Variants in GTF2IRD2 observed in about 807,000 individuals in gnomAD.
GTF2IRD2 encodes the protein GTF2I repeat domain containing 2.
GTF2IRD2 carries 8 observed loss-of-function variants against 49.2 expected under a neutral mutation model. The ratio of observed to expected loss-of-function variants is 0.16; its 90% CI spans 0.10 to 0.29. The LOEUF (loss-of-function observed/expected upper bound fraction) is 0.29. Among genes scored for constraint, GTF2IRD2 ranks in the 10% least tolerant of loss-of-function variants. GTF2IRD2 has a pLI of 1.00. For missense variants in GTF2IRD2, 130 were observed against 725.7 expected (o/e 0.18, Z 9.43); for synonymous variants, 47 against 289.7 (o/e 0.16, Z 8.51).
In GTF2IRD2 at chr7:74,822,790, T is replaced by C. The variant is rs782746704; in HGVS notation, c.376A>G (p.Thr126Ala). 9 of 1,537,480 alleles carry C rather than the reference T, an allele frequency of 5.9e-6. 2 individuals are homozygous for C. Among genetic ancestry groups the C allele is most frequent in the Non-Finnish European group, 7.9e-6 (9 of 1,140,994 alleles). The part of the protein sequence containing the change: ...CFCYGKALGT[T>A]VMVPVPYEKM... ...TCATAGGGAACAGGCACCATCACTG[T>C]TGTCCCTAAGGCTTTACCTACAAGA... The change falls in exon 5 of 16, where the codon ACA (threonine) becomes GCA (alanine). Residue 126 changes from threonine to alanine, a missense_variant. By Grantham distance (58) the Thr-to-Ala change is moderately conservative. Coordinates refer to ENST00000451013, the MANE Select transcript of GTF2IRD2 (RefSeq NM_173537.5).
Position 74,818,458 on chromosome 7 carries a change from C to CTT in GTF2IRD2, c.670+1094_670+1095dup, listed in dbSNP as rs782068970. ...ATTAGAAGGCTCCCTCTCTCTCTCT[C>CTT]TTTTTTTTTTTTTTTTTTTGAGACA... On this transcript the variant is annotated intron_variant, in intron 8 of 15. Coordinates refer to ENST00000451013, the MANE Select transcript of GTF2IRD2 (RefSeq NM_173537.5). 4.9e-4 allele frequency among the ~76,000 whole-genome samples: 63 copies of CTT among 129,472 alleles called. 3 individuals carry two copies. The highest frequency in any genetic ancestry group is 3.2e-3 in the Admixed American group (39 of 12,238). 84.9% of individuals were successfully genotyped at this position (129,472 alleles called of 152,430 possible).
At chr7:74,798,531 C>T (rs1389959586) in intron 15 of GTF2IRD2, among the ~76,000 whole-genome samples, 3 of 151,506 alleles carry the variant, frequency 2.0e-5, no homozygotes, top group Non-Finnish European at 4.4e-5. Flanking sequence ...GTTGTTGAGA[C>T]GGAGTTTTGC....
At chr7:74,841,552 C>A (rs1411329516) in intron 1 of GTF2IRD2, among the ~76,000 whole-genome samples, 1 of 137,620 alleles carries the variant, frequency 7.3e-6, no homozygotes, top group East Asian at 2.0e-4. Context: ...CCTGCAGCCT[C>A]CAACTCCTGG....
rs782711179 is a variant in GTF2IRD2, at chr7:74,797,733, G to C, written c.1779C>G (p.Asn593Lys). Residue 593 changes from asparagine to lysine, a missense_variant, in exon 16 of 16, where the codon AAC becomes AAG. Coordinates refer to ENST00000451013, the MANE Select transcript of GTF2IRD2 (RefSeq NM_173537.5). Reference sequence around the variant, plus strand: ...TTTTCTCAACACGCGAAAAGATCTCGTTGCCAGATTTTGTACCCGTCATGG... The same window carrying C: ...TTTTCTCAACACGCGAAAAGATCTCCTTGCCAGATTTTGTACCCGTCATGG... ...TVPMTGTKSG[N>K]EIFSRVEKSL... 6.2e-6 allele frequency: 10 copies of C among 1,602,264 alleles called. No homozygotes were observed. The highest frequency in any genetic ancestry group is 8.5e-6 in the Non-Finnish European group (10 of 1,175,606).
chr7:74,831,200 ATC>A (rs1177649282), intron 3 of GTF2IRD2, among the ~76,000 whole-genome samples: 177 of 143,596 alleles, frequency 1.2e-3, no homozygotes, highest in African/African-American at 2.9e-3. Context: ...CCCCTCTCTC[ATC>A]TCTCTCTCTC....
At chr7:74,798,768 C>T (rs1420467107) in intron 15 of GTF2IRD2, among the ~76,000 whole-genome samples, 9 of 131,420 alleles carry the variant, frequency 6.8e-5, no homozygotes, top group Non-Finnish European at 1.1e-4. Context: ...CTCAGCCTCC[C>T]AAAGTGCTGG....
intron 1 of GTF2IRD2, among the ~76,000 whole-genome samples, chr7:74,839,976 G>A (rs1363915205): frequency 6.8e-6 from 1 of 147,890 alleles, no homozygotes; most frequent in African/African-American, 2.5e-5. Context: ...CTCCAGGTGG[G>A]GCAACAGAGT....
intron 11 of GTF2IRD2, among the ~76,000 whole-genome samples, chr7:74,807,336 G>A (rs1797857244): frequency 1.1e-5 from 1 of 94,664 alleles, no homozygotes; most frequent in African/African-American, 3.6e-5. Context: ...GGAGTGCAGT[G>A]GTGCGATCTC....
chr7:74,824,087 A>G (rs1409103944), intron 4 of GTF2IRD2, among the ~76,000 whole-genome samples: 1 of 113,322 alleles, frequency 8.8e-6, no homozygotes, highest in Non-Finnish European at 1.8e-5. Context: ...AATGGCAGGA[A>G]CCCGAGAGGC....
At chr7:74,811,650 C>T (rs1426124306) in intron 9 of GTF2IRD2, among the ~76,000 whole-genome samples, 2 of 72,502 alleles carry the variant, frequency 2.8e-5, no homozygotes, top group Non-Finnish European at 7.4e-5. Context: ...CAGACTCAAG[C>T]GATCTTCCCA....
At chr7:74,834,731 G>A (rs1476293445) in intron 2 of GTF2IRD2, among the ~76,000 whole-genome samples, 22 of 120,012 alleles carry the variant, frequency 1.8e-4, no homozygotes, top group Non-Finnish European at 3.2e-5. Flanking sequence ...AAGAGTCAGG[G>A]TCTTGTGCTG....
In GTF2IRD2 at chr7:74,830,628, A is replaced by C. The variant is rs2523369; in HGVS notation, c.238+2177T>G. On this transcript the variant is annotated intron_variant, in intron 3 of 15. Transcript: ENST00000451013. ...TAAATTAATGCAGGGACAGAAAACC[A>C]AATACCACATGTTCTCACTTGTAAG... Among the ~76,000 whole-genome samples, 6 of 144,422 alleles carry C rather than the reference A, an allele frequency of 4.2e-5. No homozygotes were observed. The South Asian group carries it at 1.4e-3, about 33-fold the overall frequency. The allele number at this position is 144,422 out of a possible 152,430, so 94.7% of individuals were successfully genotyped here.
rs1394326620 is a variant in GTF2IRD2, at chr7:74,796,251, A to C, written c.*411T>G. 3 of 242,340 alleles carry C rather than the reference A, an allele frequency of 1.2e-5. No individual in the cohort carries two copies. The highest frequency in any genetic ancestry group is 5.5e-5 in the Admixed American group (1 of 18,218). The allele number at this position is 242,340 out of a possible 1,614,324, so 15.0% of individuals were successfully genotyped here. A position where few individuals can be genotyped will look rare whatever the true frequency, so the allele number is the denominator to read the frequency against. On this transcript the variant is annotated 3_prime_UTR_variant, in exon 16 of 16. Coordinates refer to ENST00000451013, the MANE Select transcript of GTF2IRD2 (RefSeq NM_173537.5). ...CTGATTCAAAGTGGAAAAAAAACTG[A>C]AAAAAAAAAAAGTTTAAGAACTCAT...
At chr7:74,809,856 C>A (rs1241230946) in intron 10 of GTF2IRD2, among the ~76,000 whole-genome samples, 1 of 113,744 alleles carries the variant, frequency 8.8e-6, no homozygotes, top group African/African-American at 3.0e-5. Flanking sequence ...TGGAATGGTG[C>A]GATTTCGGCT....
chr7:74,796,481 G>C lies in GTF2IRD2; in HGVS notation c.*181C>G, dbSNP rs587763736. The stretch of plus-strand genomic sequence containing the variant: ...GGAGGCTGAGGCAGGAGAATCGTTC[G>C]AACCCAGGAGCTGGAAGTTGCAGTA... On this transcript the variant is annotated 3_prime_UTR_variant, in exon 16 of 16. Coordinates refer to ENST00000451013, the MANE Select transcript of GTF2IRD2 (RefSeq NM_173537.5). 1 of 562,098 alleles carries C rather than the reference G, an allele frequency of 1.8e-6. No homozygotes were observed. Among genetic ancestry groups the C allele is most frequent in the South Asian group, 2.0e-5 (1 of 50,086 alleles). The allele number at this position is 562,098 out of a possible 1,614,324, so 34.8% of individuals were successfully genotyped here.
At chr7:74,829,564 G>A (rs1329901420) in intron 3 of GTF2IRD2, among the ~76,000 whole-genome samples, 9 of 147,918 alleles carry the variant, frequency 6.1e-5, no homozygotes, top group Middle Eastern at 3.4e-3. Context: ...GGCACTTCTC[G>A]TACAAATTAA....
rs369110378 is a variant in GTF2IRD2 at position 74,818,232 on chromosome 7, G to C, written c.670+1322C>G. On this transcript the variant is annotated intron_variant, in intron 8 of 15. Transcript: ENST00000451013. ...CCTATATTGTAAAACATTTAGAAAT[G>C]ACAGAAAAGTCCAAAAAAGCAGTAG... 5.6e-3 allele frequency among the ~76,000 whole-genome samples: 274 copies of C among 49,104 alleles called. 2 individuals are homozygous for C. Among genetic ancestry groups the C allele is most frequent in the South Asian group, 0.028 (26 of 932 alleles). The allele number at this position is 49,104 out of a possible 152,430, so 32.2% of individuals were successfully genotyped here.
At chr7:74,842,539 T>A (rs1554422011) in intron 1 of GTF2IRD2, among the ~76,000 whole-genome samples, 1 of 144,242 alleles carries the variant, frequency 6.9e-6, no homozygotes, top group Non-Finnish European at 1.5e-5. Flanking sequence ...CCCTATTTTT[T>A]AAATTTTTAT....
chr7:74,825,367 G>A (rs1331170070), intron 3 of GTF2IRD2, among the ~76,000 whole-genome samples: 4 of 117,032 alleles, frequency 3.4e-5, no homozygotes, highest in Admixed American at 9.7e-5. Context: ...GGGCTTAAGC[G>A]GTCCTCCCAC....
Sources: gnomAD v4.1 joint callset for allele counts (sites outside exome capture counted in the v4.1 genomes callset) on GRCh38, gnomAD v4.1.1 for gene constraint, MANE v1.5 for transcripts, NCBI Gene and HGNC (gene_info 2026-07-23, HGNC 2026-07-21) for gene names.